The following CLDN14 variants were observed in gnomAD, a reference collection of about 807,000 sequenced individuals.
CLDN14 encodes the protein claudin-14.
A neutral mutation model predicts 2.1 loss-of-function variants in CLDN14; 2 were observed. The ratio of observed to expected loss-of-function variants is 0.96; its 90% confidence interval spans 0.39 to 3.01. CLDN14 has a LOEUF of 3.01. Among genes scored for constraint, CLDN14 ranks in the 30% most tolerant of loss-of-function variants. The pLI is 0.09. For missense variants in CLDN14, 298 were observed against 328.0 expected, an observed-to-expected ratio of 0.91 and a Z score of 0.71; for synonymous variants, 136 against 154.4, an observed-to-expected ratio of 0.88 and a Z score of 0.88.
At chr21:36,488,697 C>T (rs558425268) in intron 2 of CLDN14, among the ~76,000 whole-genome samples, 55 of 152,112 alleles carry the variant, frequency 3.6e-4, no homozygotes, top group African/African-American at 1.3e-3. Context: ...GACTTTCAGT[C>T]TGGGAGGAGG....
At chr21:36,562,554 T>C (rs1176158876) in intron 1 of CLDN14, among the ~76,000 whole-genome samples, 2 of 152,204 alleles carry the variant, frequency 1.3e-5, no homozygotes, top group African/African-American at 4.8e-5. Flanking sequence ...GTCTCCAGAG[T>C]TGATCGCTTC....
At chr21:36,511,217 TTG>T (rs1174410545) in intron 1 of CLDN14, among the ~76,000 whole-genome samples, 2 of 152,126 alleles carry the variant, frequency 1.3e-5, no homozygotes, top group Non-Finnish European at 2.9e-5. Context: ...AGGGAAATGT[TTG>T]TGTTTTTTTC....
upstream of CLDN14, among the ~76,000 whole-genome samples, chr21:36,482,866 TAAC>T (rs957215592): frequency 2.0e-5 from 3 of 152,226 alleles, no homozygotes; most frequent in African/African-American, 7.2e-5. Context: ...GTGTCAATAG[TAAC>T]AACAATCACA....
chr21:36,555,240 G>A (rs1052283958), intron 1 of CLDN14, among the ~76,000 whole-genome samples: 34 of 152,284 alleles, frequency 2.2e-4, no homozygotes, highest in East Asian at 7.7e-4. Context: ...GGTTTCAAGC[G>A]AATTGCCAAG....
At chr21:36,463,156 CA>C (rs2086601482) in intron 1 of CLDN14, among the ~76,000 whole-genome samples, 1 of 152,202 alleles carries the variant, frequency 6.6e-6, no homozygotes. Flanking sequence ...CGGGCATTAG[CA>C]GCGAGCATTA....
At chr21:36,552,370 T>A (rs577499510) in intron 1 of CLDN14, among the ~76,000 whole-genome samples, 2 of 152,360 alleles carry the variant, frequency 1.3e-5, no homozygotes, top group African/African-American at 4.8e-5. Context: ...GTGCTCAGTA[T>A]AAGATGCCCC....
upstream of CLDN14, among the ~76,000 whole-genome samples, chr21:36,483,948 C>A (rs955997972): frequency 2.0e-5 from 3 of 152,196 alleles, no homozygotes; most frequent in Non-Finnish European, 4.4e-5. Context: ...CCTTCTGAGC[C>A]TCTCTTGCCC....
At chr21:36,496,712 GGGGAGGAAGGGA>G (rs1568858997) in intron 2 of CLDN14, among the ~76,000 whole-genome samples, 2 of 44,202 alleles carry the variant, frequency 4.5e-5, no homozygotes, top group Non-Finnish European at 8.3e-5. Context: ...GAAGGGAGGA[GGGGAGGAAGGGA>G]GGGAGGAAGG....
intron 2 of CLDN14, among the ~76,000 whole-genome samples, chr21:36,490,949 GACACACACACAC>G (rs3030068): frequency 0.011 from 1,664 of 148,854 alleles, 28 homozygotes; most frequent in African/African-American, 0.035. Context: ...CAAGTGCACA[GACACACACACAC>G]ACACACACAC....
intron 1 of CLDN14, among the ~76,000 whole-genome samples, chr21:36,516,958 G>A (rs915662248): frequency 6.6e-6 from 1 of 152,074 alleles, no homozygotes; most frequent in Non-Finnish European, 1.5e-5. Context: ...CTCCTGCCTC[G>A]CCTCTGAAGT....
chr21:36,547,220 A>G (rs758399947), intron 1 of CLDN14, among the ~76,000 whole-genome samples: 1 of 152,224 alleles, frequency 6.6e-6, no homozygotes, highest in Non-Finnish European at 1.5e-5. Flanking sequence ...ACGCTGGAAT[A>G]TCAGTAAGAA....
chr21:36,462,423 G>A (rs219777), intron 1 of CLDN14, among the ~76,000 whole-genome samples: 36,576 of 151,856 alleles, frequency 0.24, 4,799 homozygotes, highest in African/African-American at 0.32. Flanking sequence ...ACGGACCTCC[G>A]CTCCCAACAC....
chr21:36,505,840 G>A (rs2087127523), intron 2 of CLDN14, among the ~76,000 whole-genome samples: 1 of 152,228 alleles, frequency 6.6e-6, no homozygotes, highest in African/African-American at 2.4e-5. Context: ...CTTGGATGGA[G>A]GGGAGGCGTA....
intron 1 of CLDN14, among the ~76,000 whole-genome samples, chr21:36,478,493 T>G (rs955767648): frequency 6.6e-6 from 1 of 152,200 alleles, no homozygotes; most frequent in African/African-American, 2.4e-5. Context: ...TACCAGCAAA[T>G]GCAAGGCGTA....
At chr21:36,522,954 G>C (rs2087283221) in intron 1 of CLDN14, among the ~76,000 whole-genome samples, 1 of 152,124 alleles carries the variant, frequency 6.6e-6, no homozygotes, top group East Asian at 1.9e-4. Flanking sequence ...CAGGGGAAAG[G>C]GGAGAAGAGG....
At chr21:36,522,622 G>A (rs1349065805) in intron 1 of CLDN14, among the ~76,000 whole-genome samples, 3 of 152,230 alleles carry the variant, frequency 2.0e-5, no homozygotes, top group Non-Finnish European at 4.4e-5. Context: ...GCGCGGGGGA[G>A]GTAACCGGAG....
chr21:36,461,044 TGTAGGCAGCTGGTGGCTG>T lies in CLDN14; in HGVS notation c.634_651del (p.Gln212_Tyr217del). The T allele has an allele frequency of 6.2e-7, 1 of 1,613,930 alleles. No individual in the cohort carries two copies. Among genetic ancestry groups the T allele is most frequent in the Non-Finnish European group, 8.5e-7 (1 of 1,180,000 alleles). On this transcript the variant is annotated inframe_deletion, in exon 2 of 2. Transcript: ENST00000399135. ...GTCACTGAGGGGGCCCGATTGTCTT[TGTAGGCAGCTGGTGGCTG>T]GTAGGCAGGTGCGGTGTTTGCAGTG...
chr21:36,546,472 A>C (rs1248727422), intron 1 of CLDN14, among the ~76,000 whole-genome samples: 2 of 152,198 alleles, frequency 1.3e-5, no homozygotes, highest in Non-Finnish European at 2.9e-5. Context: ...GGTTGACTGT[A>C]GGAACCTCAG....
chr21:36,479,313 G>A (rs1008667533), intron 1 of CLDN14, among the ~76,000 whole-genome samples, 182 bp downstream of exon 1: 3 of 151,924 alleles, frequency 2.0e-5, no homozygotes, highest in African/African-American at 7.3e-5. Flanking sequence ...GTCCTCTGGA[G>A]GCCACCCAGA....
Sources: gnomAD v4.1 joint callset for allele counts (sites outside exome capture counted in the v4.1 genomes callset) on GRCh38, gnomAD v4.1.1 for gene constraint, MANE v1.5 for transcripts, NCBI Gene and HGNC (gene_info 2026-07-23, HGNC 2026-07-21) for gene names.